Variants in INPP4B observed in about 807,000 individuals in gnomAD.
INPP4B encodes inositol polyphosphate-4-phosphatase type II B.
Under a neutral mutation model 122.5 loss-of-function variants are expected in INPP4B, and 55 were observed. The ratio of observed to expected loss-of-function variants is 0.45; its 90% CI spans 0.36 to 0.56. The LOEUF (loss-of-function observed/expected upper bound fraction) is 0.56, where lower values mean the gene tolerates loss of function less well. Ranked by LOEUF, INPP4B falls within the 20% of genes least tolerant of loss-of-function variation. The pLI is 0.00. For synonymous variants in INPP4B, 403 were observed against 388.7 expected, an observed-to-expected ratio of 1.04 and a Z score of -0.43; for missense variants, 1,000 against 1,097.7, an observed-to-expected ratio of 0.91 and a Z score of 1.26.
At chr4:142,533,972 G>A (rs192231266) in intron 2 of INPP4B, among the ~76,000 whole-genome samples, 2 of 152,268 alleles carry the variant, frequency 1.3e-5, no homozygotes, top group East Asian at 3.9e-4. Flanking sequence ...AGCTTTAACA[G>A]CCAGTGGACA....
chr4:142,718,947 C>T (rs1260198051), intron 2 of INPP4B, among the ~76,000 whole-genome samples: 1 of 152,172 alleles, frequency 6.6e-6, no homozygotes, highest in Non-Finnish European at 1.5e-5. Flanking sequence ...TTAGCCCCAC[C>T]TCACTATACC....
intron 25 of INPP4B, 98 bp from the exon 26 acceptor site, chr4:142,029,012 A>G: frequency 6.8e-7 from 1 of 1,471,076 alleles, no homozygotes; most frequent in Non-Finnish European, 9.0e-7. Flanking sequence ...CCAAGTAAAA[A>G]TAACAAAGAT....
chr4:142,176,118 T>TTTTTTA (rs1553997293), intron 15 of INPP4B, among the ~76,000 whole-genome samples: 2 of 137,620 alleles, frequency 1.5e-5, no homozygotes, highest in African/African-American at 5.3e-5. Flanking sequence ...ACTGCTTTCT[T>TTTTTTA]TTATTATTAT....
Position 142,651,942 on chromosome 4 carries a change from G to A in INPP4B, c.-191+73897C>T, listed in dbSNP as rs1015225257. On this transcript the variant is annotated intron_variant, in intron 2 of 25. Transcript: ENST00000262992. ...AAAAAAAGAATTTTAGACCAATACC[G>A]CTGATGAACATCGATACAAAAATCC... Among the ~76,000 whole-genome samples, 15 of 152,068 alleles carry A rather than the reference G, an allele frequency of 9.9e-5. No individual in the cohort carries two copies. The South Asian group carries it at 1.2e-3, about 13-fold the overall frequency.
chr4:142,317,104 G>T (rs984055709), intron 7 of INPP4B: 2 of 155,074 alleles, frequency 1.3e-5, no homozygotes, highest in Non-Finnish European at 2.9e-5. Flanking sequence ...GGTGGTCTGG[G>T]TTTTGAAGGA....
intron 7 of INPP4B, among the ~76,000 whole-genome samples, chr4:142,378,464 A>G (rs1462820936): frequency 6.6e-6 from 1 of 152,156 alleles, no homozygotes; most frequent in Non-Finnish European, 1.5e-5. Context: ...TTTCTCAGAC[A>G]CTTGTGTAGG....
At chr4:142,142,384 A>C (rs1215679187) in intron 18 of INPP4B, among the ~76,000 whole-genome samples, 1 of 152,092 alleles carries the variant, frequency 6.6e-6, no homozygotes, top group African/African-American at 2.4e-5. Context: ...TTGCTTTTAG[A>C]TCCTGTTAGT....
At chr4:142,161,649 A>C (rs1437324028) in intron 16 of INPP4B, among the ~76,000 whole-genome samples, 1 of 151,934 alleles carries the variant, frequency 6.6e-6, no homozygotes, top group African/African-American at 2.4e-5. Context: ...TAGTCACTAA[A>C]TTATTTAGAG....
Position 142,692,664 on chromosome 4 carries a change from A to G in INPP4B, c.-191+33175T>C, listed in dbSNP as rs147488966. Among the ~76,000 whole-genome samples the G allele has an allele frequency of 8.6e-3, 1,309 of 152,324 alleles. 7 individuals are homozygous for G. The highest frequency in any genetic ancestry group is 0.016 in the Non-Finnish European group (1,060 of 68,036). On this transcript the variant is annotated intron_variant, in intron 2 of 25. Coordinates refer to ENST00000262992, the MANE Select transcript of INPP4B (RefSeq NM_001101669.3). ...TCAAGGTCAAAAGTGCCTGCTTTAC[A>G]TTCCTTCTGGGAAGAACAACGGAGA...
chr4:142,048,027 T>C (rs1752500842), intron 25 of INPP4B, among the ~76,000 whole-genome samples: 1 of 151,450 alleles, frequency 6.6e-6, no homozygotes, highest in African/African-American at 2.4e-5. Context: ...GCACTGACTA[T>C]TTCACAAATG....
chr4:142,077,717 A>T (rs1771576610), intron 25 of INPP4B, among the ~76,000 whole-genome samples: 1 of 151,804 alleles, frequency 6.6e-6, no homozygotes, highest in Admixed American at 6.6e-5. Flanking sequence ...CAAATTATTA[A>T]GCCACCTTTG....
chr4:142,606,442 T>C (rs1741281958), intron 2 of INPP4B, among the ~76,000 whole-genome samples: 3 of 151,952 alleles, frequency 2.0e-5, no homozygotes, highest in Admixed American at 2.0e-4. Context: ...TCAAGGTTTA[T>C]CACTCATGAT....
At chr4:142,596,198 T>C (rs1192256745) in intron 2 of INPP4B, among the ~76,000 whole-genome samples, 1 of 152,108 alleles carries the variant, frequency 6.6e-6, no homozygotes, top group Non-Finnish European at 1.5e-5. Flanking sequence ...CATGTCTGCT[T>C]GTCATATGAT....
chr4:142,043,880 AG>A, intron 25 of INPP4B, among the ~76,000 whole-genome samples: 1 of 152,264 alleles, frequency 6.6e-6, no homozygotes, highest in South Asian at 2.1e-4. Context: ...ATGAATAAGT[AG>A]GGTGGCTTGA....
intron 15 of INPP4B, among the ~76,000 whole-genome samples, chr4:142,184,001 T>G: frequency 6.6e-6 from 1 of 152,174 alleles, no homozygotes; most frequent in African/African-American, 2.4e-5. Context: ...ATTTTGTCAT[T>G]TTCAGACTGC....
At chr4:142,572,557 A>G (rs1344217784) in intron 2 of INPP4B, among the ~76,000 whole-genome samples, 1 of 152,114 alleles carries the variant, frequency 6.6e-6, no homozygotes, top group African/African-American at 2.4e-5. Context: ...AATGACTTTA[A>G]TTCTCAGTTT....
chr4:142,816,770 T>C (rs763478283), intron 1 of INPP4B, among the ~76,000 whole-genome samples: 8 of 151,390 alleles, frequency 5.3e-5, no homozygotes, highest in Non-Finnish European at 8.8e-5. Context: ...ATAGTATATT[T>C]GGATGTTCAA....
At chr4:142,203,105 C>T (rs1416937461) in intron 14 of INPP4B, among the ~76,000 whole-genome samples, 1 of 152,022 alleles carries the variant, frequency 6.6e-6, no homozygotes, top group Non-Finnish European at 1.5e-5. Context: ...CACCCCAGAC[C>T]CTCTTTTTAT....
rs1580405037 is a variant in INPP4B at position 142,575,133 on chromosome 4, G to A, written c.-190-112407C>T. Among the ~76,000 whole-genome samples, 3 of 151,988 alleles carry A rather than the reference G, an allele frequency of 2.0e-5. No homozygotes were observed. In the East Asian group the frequency reaches 5.8e-4, roughly 30 times the overall value. On this transcript the variant is annotated intron_variant, in intron 2 of 25. Transcript: ENST00000262992. The stretch of plus-strand genomic sequence containing the variant: ...TACTGTGAAATATGGTTGACCTTAG[G>A]AAATGTTAACCACGTTATTTGGCTC...
Sources: allele counts gnomAD v4.1 joint callset (sites outside exome capture counted in the v4.1 genomes callset), GRCh38; gene constraint gnomAD v4.1.1; transcripts MANE v1.5; gene names NCBI Gene and HGNC (gene_info 2026-07-23, HGNC 2026-07-21).